Variants in SHC4 observed in about 807,000 individuals in gnomAD.
SHC4 encodes the protein SHC adaptor protein 4.
In SHC4, 41 loss-of-function variants were observed where a neutral mutation model predicts 69.4. The ratio of observed to expected loss-of-function variants is 0.59; its 90% CI spans 0.46 to 0.77. The LOEUF (loss-of-function observed/expected upper bound fraction) is 0.77. Ranked by LOEUF, SHC4 falls within the 30% of genes least tolerant of loss-of-function variation. SHC4 has a pLI of 0.00. For synonymous variants in SHC4, 318 were observed against 299.3 expected, an observed-to-expected ratio of 1.06 and a Z score of -0.64; for missense variants, 777 against 783.8, an observed-to-expected ratio of 0.99 and a Z score of 0.10.
intron 5 of SHC4, among the ~76,000 whole-genome samples, chr15:48,871,310 A>C (rs1431352809): frequency 1.3e-5 from 2 of 152,226 alleles, no homozygotes; most frequent in Non-Finnish European, 2.9e-5. Flanking sequence ...TTTCATCAAA[A>C]CATATGGAAG....
chr15:48,936,448 C>T (rs943742140), intron 1 of SHC4, among the ~76,000 whole-genome samples: 4 of 152,156 alleles, frequency 2.6e-5, no homozygotes, highest in Non-Finnish European at 5.9e-5. Flanking sequence ...CCATCTCCTT[C>T]GATGTCTTTC....
intron 6 of SHC4, among the ~76,000 whole-genome samples, chr15:48,862,442 A>C (rs1899464818): frequency 6.6e-6 from 1 of 152,228 alleles, no homozygotes; most frequent in African/African-American, 2.4e-5. Flanking sequence ...TCTATAAAAA[A>C]GGCCTTTGAT....
intron 2 of SHC4, among the ~76,000 whole-genome samples, chr15:48,906,466 T>A (rs1826413609): frequency 6.6e-6 from 1 of 151,816 alleles, no homozygotes; most frequent in African/African-American, 2.4e-5. Context: ...TTCCCCCTAC[T>A]CTTCCCTTCT....
intron 4 of SHC4, chr15:48,879,296 G>A (rs1401560050): frequency 1.2e-5 from 2 of 167,672 alleles, no homozygotes; most frequent in African/African-American, 4.8e-5. Context: ...ACTCAAATAT[G>A]TATCACGTGT....
At chr15:48,946,629 T>C in intron 1 of SHC4, 1 of 982,366 alleles carries the variant, frequency 1.0e-6, no homozygotes, top group Non-Finnish European at 1.2e-6. Context: ...TGTTTCATGT[T>C]GAGATTTTTC....
intron 10 of SHC4, among the ~76,000 whole-genome samples, chr15:48,839,950 G>A (rs1255638406): frequency 6.6e-6 from 1 of 152,218 alleles, no homozygotes; most frequent in African/African-American, 2.4e-5. Flanking sequence ...CTTCCTTGCA[G>A]CTAGGTGTGG....
intron 2 of SHC4, among the ~76,000 whole-genome samples, chr15:48,907,085 A>G (rs1900417582): frequency 6.6e-6 from 1 of 152,114 alleles, no homozygotes; most frequent in Non-Finnish European, 1.5e-5. Context: ...TTACTTACCA[A>G]TTTCTACAAT....
At chr15:48,840,980 C>A (rs1194239944) in intron 10 of SHC4, among the ~76,000 whole-genome samples, 4 of 152,180 alleles carry the variant, frequency 2.6e-5, no homozygotes, top group African/African-American at 9.7e-5. Flanking sequence ...TTGGACAAGG[C>A]AGACTTTATT....
chr15:48,859,379 C>T (rs964542721), intron 6 of SHC4, among the ~76,000 whole-genome samples: 1 of 150,538 alleles, frequency 6.6e-6, no homozygotes, highest in Admixed American at 6.6e-5. Flanking sequence ...TCAAACAATG[C>T]TAAGGTATCA....
chr15:48,828,704 C>A (rs919608749), intron 11 of SHC4, among the ~76,000 whole-genome samples: 3 of 152,108 alleles, frequency 2.0e-5, no homozygotes, highest in Admixed American at 6.5e-5. Flanking sequence ...GCCATCTTAA[C>A]AAGTGTGAGG....
Position 48,963,102 on chromosome 15 carries a change from C to G in SHC4, c.-87G>C, listed in dbSNP as rs112179423. ...ACGGTGCAGACATCAGATACCTCAA[C>G]GCCCGATGCAACTCACAGCAGCCAC... On this transcript the variant is annotated 5_prime_UTR_variant, in exon 1 of 12. Transcript: ENST00000332408. The G allele has an allele frequency of 8.8e-6, 12 of 1,362,536 alleles. No individual in the cohort carries two copies. The African/African-American group carries it at 1.2e-4, about 13-fold the overall frequency. 84.4% of individuals were successfully genotyped at this position (1,362,536 alleles called of 1,614,324 possible).
intron 11 of SHC4, among the ~76,000 whole-genome samples, chr15:48,829,264 T>C (rs1050213163): frequency 3.9e-5 from 6 of 152,180 alleles, no homozygotes; most frequent in Admixed American, 6.5e-5. Context: ...TGGTCCATAG[T>C]GTTGTTCAAG....
intron 9 of SHC4, among the ~76,000 whole-genome samples, chr15:48,849,015 G>C (rs548928116): frequency 1.1e-4 from 16 of 152,208 alleles, no homozygotes; most frequent in South Asian, 8.3e-4. Flanking sequence ...GGAGGGATGT[G>C]GCTATGCTGA....
At chr15:48,828,169 C>T (rs1304847545) in intron 11 of SHC4, among the ~76,000 whole-genome samples, 5 of 151,622 alleles carry the variant, frequency 3.3e-5, no homozygotes, top group African/African-American at 1.2e-4. Context: ...CTGTACTATA[C>T]ACTTAACAGA....
Position 48,873,084 on chromosome 15 carries a change from C to A in SHC4, c.841-942G>T, listed in dbSNP as rs12324751. Among the ~76,000 whole-genome samples, 608 of 150,234 alleles carry A rather than the reference C, an allele frequency of 4.0e-3. 2 individuals are homozygous for A. The highest frequency in any genetic ancestry group is 0.015 in the African/African-American group (594 of 40,962). Reference sequence around the variant, plus strand: ...ACAATAACTGCCCTGTTCATAACAGCCCTAAATTGGAAACAATTCCAATGA... The same window carrying A: ...ACAATAACTGCCCTGTTCATAACAGACCTAAATTGGAAACAATTCCAATGA... On this transcript the variant is annotated intron_variant, in intron 4 of 11. Transcript: ENST00000332408.
At chr15:48,848,041 A>G (rs562364386) in intron 9 of SHC4, among the ~76,000 whole-genome samples, 1 of 151,592 alleles carries the variant, frequency 6.6e-6, no homozygotes, top group South Asian at 2.1e-4. Context: ...CAAAAAAAAC[A>G]TAAAAACATA....
In SHC4 at chr15:48,878,326, A is replaced by G. The variant is rs775135586; in HGVS notation, c.840+5922T>C. 9.9e-6 allele frequency: 16 copies of G among 1,613,540 alleles called. No homozygotes were observed. The East Asian group carries it at 2.2e-4, about 22-fold the overall frequency. On this transcript the variant is annotated intron_variant, in intron 4 of 11. Transcript: ENST00000332408. Reference sequence around the variant, plus strand: ...TGCGTCCCTCCCGCAGCGGGGCCCAACAGCTCGAGGAGGAAGGCCCAATGG... The same window carrying G: ...TGCGTCCCTCCCGCAGCGGGGCCCAGCAGCTCGAGGAGGAAGGCCCAATGG...
chr15:48,961,430 T>G (rs60689733), intron 1 of SHC4, among the ~76,000 whole-genome samples: 5,810 of 152,236 alleles, frequency 0.038, 151 homozygotes, highest in South Asian at 0.11. Flanking sequence ...CCCACTATTC[T>G]CCAGCATTCC....
intron 3 of SHC4, among the ~76,000 whole-genome samples, 170 bp from the exon 4 acceptor site, chr15:48,884,537 T>A (rs572891626): frequency 4.6e-5 from 7 of 152,264 alleles, no homozygotes; most frequent in Non-Finnish European, 7.3e-5. Flanking sequence ...AACTTTTTTT[T>A]AAATTAGGAT....
Sources: allele counts gnomAD v4.1 joint callset (sites outside exome capture counted in the v4.1 genomes callset), GRCh38; gene constraint gnomAD v4.1.1; transcripts MANE v1.5; gene names NCBI Gene and HGNC (gene_info 2026-07-23, HGNC 2026-07-21).